Variants in HMCN1 observed in about 807,000 individuals in gnomAD.
HMCN1 encodes the protein hemicentin-1.
A neutral mutation model predicts 625.9 loss-of-function variants in HMCN1; 321 were observed. The ratio of observed to expected loss-of-function variants is 0.51; its 90% CI spans 0.47 to 0.56. The LOEUF (loss-of-function observed/expected upper bound fraction) is 0.56, where lower values mean the gene tolerates loss of function less well. HMCN1 is among the 20% of genes least tolerant of loss of function. The pLI is 0.00. For missense variants in HMCN1, 6,588 were observed against 6,887.3 expected (o/e 0.96, Z 1.54); for synonymous variants, 2,425 against 2,417.6 (o/e 1.00, Z -0.09).
chr1:186,137,060 A>G, intron 87 of HMCN1, 123 bp downstream of exon 87: 7 of 1,182,104 alleles, frequency 5.9e-6, no homozygotes, highest in Non-Finnish European at 8.7e-6. Flanking sequence ...TGATGGGGAG[A>G]GGACAAAATC....
chr1:185,951,392 A>G (rs1177119856), intron 11 of HMCN1, among the ~76,000 whole-genome samples: 1 of 151,678 alleles, frequency 6.6e-6, no homozygotes, highest in Non-Finnish European at 1.5e-5. Flanking sequence ...TACCCACAAC[A>G]GTTATGGAGG....
At chr1:185,755,842 C>T (rs1017424520) in intron 1 of HMCN1, among the ~76,000 whole-genome samples, 1 of 152,120 alleles carries the variant, frequency 6.6e-6, no homozygotes, top group Non-Finnish European at 1.5e-5. Flanking sequence ...AAAGGAGAAC[C>T]AAAGTTCTTT....
chr1:186,125,150 G>A (rs1661583805), intron 81 of HMCN1, among the ~76,000 whole-genome samples: 1 of 151,906 alleles, frequency 6.6e-6, no homozygotes, highest in Non-Finnish European at 1.5e-5. Context: ...ACAGCACTTT[G>A]TGATATTCAG....
chr1:186,169,629 T>C (rs963498047), intron 100 of HMCN1, among the ~76,000 whole-genome samples: 1 of 152,160 alleles, frequency 6.6e-6, no homozygotes, highest in African/African-American at 2.4e-5. Flanking sequence ...GCTAGCCATA[T>C]GCAGAAAACT....
intron 105 of HMCN1, among the ~76,000 whole-genome samples, chr1:186,183,138 G>A (rs933587836): frequency 4.6e-5 from 7 of 152,156 alleles, no homozygotes; most frequent in Non-Finnish European, 1.0e-4. Context: ...GTATTAATTT[G>A]TGTCATGGAA....
chr1:186,174,115 A>G (rs1178359691), intron 102 of HMCN1, among the ~76,000 whole-genome samples: 4 of 152,230 alleles, frequency 2.6e-5, no homozygotes, highest in African/African-American at 9.6e-5. Context: ...AACTAGTGGT[A>G]AAACAAAGAG....
chr1:185,946,259 G>A (rs10911784), intron 11 of HMCN1, among the ~76,000 whole-genome samples: 6,298 of 152,178 alleles, frequency 0.041, 304 homozygotes, highest in African/African-American at 0.11. Context: ...CCTTCAAGAA[G>A]TGCTGTGTAG....
chr1:185,817,012 G>A (rs964432514), intron 1 of HMCN1, among the ~76,000 whole-genome samples: 1 of 152,184 alleles, frequency 6.6e-6, no homozygotes, highest in African/African-American at 2.4e-5. Context: ...GTCTTGAACA[G>A]TGCCTGGCAC....
At chr1:186,185,878 C>T (rs564310621) in intron 105 of HMCN1, among the ~76,000 whole-genome samples, 5 of 152,284 alleles carry the variant, frequency 3.3e-5, no homozygotes, top group Admixed American at 6.5e-5. Flanking sequence ...ATTTAATTGT[C>T]ATTTTTCCCT....
intron 30 of HMCN1, among the ~76,000 whole-genome samples, chr1:186,014,849 G>T (rs1654253774): frequency 6.6e-6 from 1 of 151,870 alleles, no homozygotes; most frequent in South Asian, 2.1e-4. Context: ...CCTTTGAGTG[G>T]GGTTTTATTT....
At chr1:185,886,368 C>A (rs915266988) in intron 4 of HMCN1, among the ~76,000 whole-genome samples, 2 of 152,006 alleles carry the variant, frequency 1.3e-5, no homozygotes, top group African/African-American at 4.8e-5. Context: ...TAGATAAATA[C>A]CTAAGAGATT....
At position 185,846,095 on chromosome 1, in the gene HMCN1, A is replaced by G. The variant is rs760866986; in HGVS notation, c.338A>G (p.Gln113Arg). The G allele has an allele frequency of 4.4e-6, 7 of 1,605,820 alleles. No individual in the cohort carries two copies. The Admixed American group carries it at 1.2e-4, about 27-fold the overall frequency. Residue 113 changes from glutamine to arginine, a missense_variant and splice_region_variant, in exon 2 of 107, where the codon CAG becomes CGG. Gln to Arg is a conservative substitution (Grantham distance 43). This residue lies in a region of HMCN1 where 4,628 missense variants were observed against 4,853.1 expected (regional missense o/e 0.95). Coordinates refer to ENST00000271588, the MANE Select transcript of HMCN1 (RefSeq NM_031935.3). ...FQYELRELYV[Q>R]GGGDCPEMSI... ...TATGAACTCAGAGAACTGTATGTTC[A>G]GGTGAGTGCTTGCTTTCAGTGTTCT...
In HMCN1 at chr1:186,070,741, G is replaced by T. The variant is rs148251434; in HGVS notation, c.8123G>T (p.Trp2708Leu). Residue 2708 changes from tryptophan to leucine, a missense_variant, in exon 52 of 107, where the codon TGG becomes TTG. Physicochemically the swap from Trp to Leu is moderately conservative, Grantham distance 61. Transcript: ENST00000271588. ...AYAIPSASLS[W>L]YKDGQPLKSD... ...GCAATTCCTTCTGCCTCCCTCAGCTGGTACAAGGATGGACAGGCCAGTCAC... is the reference window on the plus strand; with the variant it reads ...GCAATTCCTTCTGCCTCCCTCAGCTTGTACAAGGATGGACAGGCCAGTCAC... 4.5e-5 allele frequency: 73 copies of T among 1,613,636 alleles called. No individual in the cohort carries two copies. The highest frequency in any genetic ancestry group is 6.1e-5 in the Non-Finnish European group (72 of 1,179,828).
Position 186,065,410 on chromosome 1 carries a change from C to T in HMCN1, c.7686C>T (p.Ser2562=). 3 of 1,606,824 alleles carry T rather than the reference C, an allele frequency of 1.9e-6. No homozygotes were observed. The highest frequency in any genetic ancestry group is 2.5e-6 in the Non-Finnish European group (3 of 1,179,262). ...ASSPAGHKSR[S]FSLNVFVSPT... ...GTCCAGCTGGCCACAAGAGCAGGAG[C>T]TTCAGTCTTAATGTATTTGGTAGGT... The change falls in exon 49 of 107, where the codon AGC becomes AGT. Residue 2562 remains serine (S), a synonymous_variant. Coordinates refer to ENST00000271588, the MANE Select transcript of HMCN1 (RefSeq NM_031935.3).
rs558183193 is a variant in HMCN1 at position 186,129,495 on chromosome 1, G to C, written c.12905-471G>C. 3.3e-5 allele frequency among the ~76,000 whole-genome samples: 5 copies of C among 152,002 alleles called. No homozygotes were observed. The East Asian group carries it at 7.7e-4, about 23-fold the overall frequency. ...CTATGTTGTTGTTATTACCTAAGTA[G>C]CATACGTTTTCATAATTTTCCCCTT... is the stretch of plus-strand genomic sequence containing the variant. On this transcript the variant is annotated intron_variant, in intron 83 of 106. Transcript: ENST00000271588.
intron 53 of HMCN1, 135 bp downstream of exon 53, chr1:186,075,026 C>G: frequency 4.1e-6 from 3 of 737,798 alleles, no homozygotes; most frequent in East Asian, 2.7e-5. Flanking sequence ...AATTTAGACT[C>G]GAGAATTAAA....
At chr1:185,961,260 T>C (rs1444658418) in intron 11 of HMCN1, among the ~76,000 whole-genome samples, 1 of 152,230 alleles carries the variant, frequency 6.6e-6, no homozygotes, top group Non-Finnish European at 1.5e-5. Flanking sequence ...TGTTGGTTTC[T>C]TAGTGAAACT....
intron 2 of HMCN1, among the ~76,000 whole-genome samples, chr1:185,862,546 G>A (rs1662939194): frequency 6.6e-6 from 1 of 152,094 alleles, no homozygotes; most frequent in Admixed American, 6.6e-5. Context: ...CACTAAATTG[G>A]AGAGGCATAT....
chr1:185,734,785 T>C lies in HMCN1; in HGVS notation c.6T>C (p.Ile2=). ...AGAGGGGGAAAAAAAAGAAAATGATTTCCTGGGAAGTTGTCCATACAGTAT... is the reference window on the plus strand; with the variant it reads ...AGAGGGGGAAAAAAAAGAAAATGATCTCCTGGGAAGTTGTCCATACAGTAT... M[I]SWEVVHTVFL... Residue 2 remains isoleucine, a synonymous_variant, in exon 1 of 107, where the codon ATT becomes ATC. Coordinates refer to ENST00000271588, the MANE Select transcript of HMCN1 (RefSeq NM_031935.3). 6.2e-7 allele frequency: 1 copy of C among 1,614,100 alleles called. No homozygotes were observed. Among genetic ancestry groups the C allele is most frequent in the African/African-American group, 1.3e-5 (1 of 75,022 alleles).
Sources: allele counts gnomAD v4.1 joint callset (sites outside exome capture counted in the v4.1 genomes callset), GRCh38; gene constraint gnomAD v4.1.1; regional missense constraint gnomAD v4.1.1; transcripts MANE v1.5; gene names NCBI Gene and HGNC (gene_info 2026-07-23, HGNC 2026-07-21).